Variants in SLC6A17 observed in about 807,000 individuals in gnomAD.
SLC6A17 encodes sodium-dependent neutral amino acid transporter SLC6A17.
SLC6A17 carries 21 observed loss-of-function variants against 64.5 expected under a neutral mutation model. The observed-to-expected ratio is 0.33, with a 90% CI of 0.23 to 0.47. SLC6A17 has a LOEUF of 0.47. Among genes scored for constraint, SLC6A17 ranks in the 20% least tolerant of loss-of-function variants. SLC6A17 has a pLI of 1.00. For missense variants in SLC6A17, 682 were observed against 963.2 expected, an observed-to-expected ratio of 0.71 and a Z score of 3.86; for synonymous variants, 372 against 399.5, an observed-to-expected ratio of 0.93 and a Z score of 0.82.
chr1:110,168,076 A>T (rs961360986), intron 2 of SLC6A17: 2 of 152,240 alleles, frequency 1.3e-5, no homozygotes, highest in African/African-American at 2.4e-5. Flanking sequence ...GCTTTCCCTG[A>T]AACCAGAGAT....
At chr1:110,177,666 G>A (rs1332200624) in intron 6 of SLC6A17, 1 of 152,312 alleles carries the variant, frequency 6.6e-6, no homozygotes, top group African/African-American at 2.4e-5. Flanking sequence ...TGAGACTATA[G>A]CCCATGGGCA....
At chr1:110,156,944 G>A (rs952810322) in intron 1 of SLC6A17, among the ~76,000 whole-genome samples, 4 of 152,162 alleles carry the variant, frequency 2.6e-5, no homozygotes, top group Non-Finnish European at 4.4e-5. Context: ...AGAAAATCCA[G>A]GTCAGATTAT....
intron 6 of SLC6A17, among the ~76,000 whole-genome samples, chr1:110,188,135 C>T (rs1383258632): frequency 6.6e-6 from 1 of 152,162 alleles, no homozygotes; most frequent in African/African-American, 2.4e-5. Context: ...GGGTGCTGCC[C>T]CAGACCCTGC....
intron 6 of SLC6A17, among the ~76,000 whole-genome samples, chr1:110,184,682 A>G (rs921790039): frequency 2.0e-5 from 3 of 152,178 alleles, no homozygotes; most frequent in African/African-American, 7.2e-5. Context: ...CGAGGCTGGG[A>G]GCAAGGGCAG....
Position 110,175,140 on chromosome 1 carries a change from G to A in SLC6A17, c.753+180G>A, listed in dbSNP as rs544874208. On this transcript the variant is annotated intron_variant, in intron 5 of 11. Transcript: ENST00000331565. ...GTTGCTCACCATGGACAGCCTACCC[G>A]GAATGGAATAGCTGGAAAGTCATTG... Among the ~76,000 whole-genome samples the A allele has an allele frequency of 1.1e-4, 16 of 152,288 alleles. No homozygotes were observed. In the South Asian group the frequency reaches 2.1e-3, roughly 20 times the overall value.
intron 1 of SLC6A17, among the ~76,000 whole-genome samples, chr1:110,154,864 C>G (rs1021282052): frequency 6.6e-6 from 1 of 152,206 alleles, no homozygotes; most frequent in Non-Finnish European, 1.5e-5. Flanking sequence ...ACTACTAACA[C>G]TTCAAGGTTA....
chr1:110,163,460 G>T (rs892472144), intron 1 of SLC6A17, among the ~76,000 whole-genome samples: 2 of 152,150 alleles, frequency 1.3e-5, no homozygotes, highest in African/African-American at 2.4e-5. Context: ...TACCATTTGG[G>T]TCCTTTCTGT....
chr1:110,177,777 C>T (rs1438468272), intron 6 of SLC6A17: 1 of 152,266 alleles, frequency 6.6e-6, no homozygotes, highest in Non-Finnish European at 1.5e-5. Context: ...ACAAACAGTT[C>T]ATGCAGGATG....
At position 110,174,953 on chromosome 1, in the gene SLC6A17, C is replaced by G. The variant is rs764608426; in HGVS notation, c.746C>G (p.Ser249Trp). The change falls in exon 5 of 12, where the codon TCG becomes TGG. Residue 249 changes from serine to tryptophan, a missense_variant. Transcript: ENST00000331565. Reference protein sequence around the residue: ...GMAVVKGIQSSGKVMYFSSLF... With the variant: ...GMAVVKGIQSWGKVMYFSSLF... ...GCTGTCGTTAAGGGCATCCAGTCCTCGGGGAAGGTGAGTGCTGAGGGGGGC... is the reference window on the plus strand; with the variant it reads ...GCTGTCGTTAAGGGCATCCAGTCCTGGGGGAAGGTGAGTGCTGAGGGGGGC... 1 of 1,613,284 alleles carries G rather than the reference C, an allele frequency of 6.2e-7. No individual in the cohort carries two copies. Among genetic ancestry groups the G allele is most frequent in the African/African-American group, 1.3e-5 (1 of 74,874 alleles).
chr1:110,196,080 G>A (rs971876115), intron 10 of SLC6A17, among the ~76,000 whole-genome samples: 6 of 152,206 alleles, frequency 3.9e-5, no homozygotes, highest in Admixed American at 2.0e-4. Flanking sequence ...CTCCAAGAAC[G>A]TGTAGACTTC....
At position 110,153,519 on chromosome 1, in the gene SLC6A17, ATGTGTG is replaced by A. The variant is rs3222731; in HGVS notation, c.-88+2663_-88+2668del. On this transcript the variant is annotated intron_variant, in intron 1 of 11. Coordinates refer to ENST00000331565, the MANE Select transcript of SLC6A17 (RefSeq NM_001010898.4). ...AGGGGACTCCAATCTGCTACTGGAA[ATGTGTG>A]TGTGTGTGTGTGTGTGTGTGTGTGT... Among the ~76,000 whole-genome samples, 13 of 137,226 alleles carry A rather than the reference ATGTGTG, an allele frequency of 9.5e-5. 1 individual carries two copies. The highest frequency in any genetic ancestry group is 3.2e-4 in the African/African-American group (12 of 37,138). 90.0% of individuals were successfully genotyped at this position (137,226 alleles called of 152,430 possible).
chr1:110,152,899 A>G (rs1363873916), intron 1 of SLC6A17, among the ~76,000 whole-genome samples: 1 of 152,156 alleles, frequency 6.6e-6, no homozygotes. Flanking sequence ...CTTCTGCTCC[A>G]TCATGAAAGG....
rs1656847687 is a variant in SLC6A17 at position 110,192,292 on chromosome 1, GT to G, written c.1106+80del. 6.4e-7 allele frequency: 1 copy of G among 1,551,592 alleles called. No homozygotes were observed. Among genetic ancestry groups the G allele is most frequent in the East Asian group, 2.3e-5 (1 of 44,338 alleles). ...AGTGGGCAGGGGTGGGGGCGCAGGT[GT>G]GCATGGGGAGAGAGGTCCCCTCCAC... is the stretch of plus-strand genomic sequence containing the variant. On this transcript the variant is annotated intron_variant, in intron 7 of 11. Transcript: ENST00000331565. This position sits in a 1 kb window ranked among gnomAD's most constrained non-coding sequence, Gnocchi z 4.3.
In SLC6A17 at chr1:110,199,797, C is replaced by T; in HGVS notation, c.*1353C>T. 1 of 395,588 alleles carries T rather than the reference C, an allele frequency of 2.5e-6. No individual in the cohort carries two copies. The highest frequency in any genetic ancestry group is 4.4e-6 in the Non-Finnish European group (1 of 224,840). The allele number at this position is 395,588 out of a possible 1,614,324, so 24.5% of individuals were successfully genotyped here. Reference sequence around the variant, plus strand: ...TGGAAGAGAACCCATTCTCAGAGTGCAGCCAGGGAGGAACCTGACCCAAGA... The same window carrying T: ...TGGAAGAGAACCCATTCTCAGAGTGTAGCCAGGGAGGAACCTGACCCAAGA... On this transcript the variant is annotated 3_prime_UTR_variant, in exon 12 of 12. Transcript: ENST00000331565.
chr1:110,163,207 G>T (rs897651362), intron 1 of SLC6A17, among the ~76,000 whole-genome samples: 2 of 151,920 alleles, frequency 1.3e-5, no homozygotes, highest in South Asian at 4.2e-4. Flanking sequence ...TGACACTGGG[G>T]TGTGGTGCAT....
At position 110,185,827 on chromosome 1, in the gene SLC6A17, G is replaced by A. The variant is rs536668098; in HGVS notation, c.865-6145G>A. Among the ~76,000 whole-genome samples, 8 of 152,302 alleles carry A rather than the reference G, an allele frequency of 5.3e-5. No individual in the cohort carries two copies. The South Asian group carries it at 1.7e-3, about 32-fold the overall frequency. On this transcript the variant is annotated intron_variant, in intron 6 of 11. Transcript: ENST00000331565. ...ACAATAAGCATTCTGTACTGAAGGT[G>A]CCAGGCTCAATTTACCCCCAGATTA...
intron 6 of SLC6A17, among the ~76,000 whole-genome samples, chr1:110,184,273 G>C (rs1656619239): frequency 6.6e-6 from 1 of 152,096 alleles, no homozygotes; most frequent in African/African-American, 2.4e-5. Flanking sequence ...ACAATGCCCG[G>C]CTAATTTTTT....
intron 6 of SLC6A17, among the ~76,000 whole-genome samples, chr1:110,178,233 G>A (rs541298622): frequency 2.0e-5 from 3 of 152,198 alleles, no homozygotes; most frequent in Admixed American, 6.5e-5. Flanking sequence ...ATATGCTCTG[G>A]TGTTGTTCCT....
At chr1:110,151,120 G>A (rs1286807547) in intron 1 of SLC6A17, among the ~76,000 whole-genome samples, 2 of 152,252 alleles carry the variant, frequency 1.3e-5, no homozygotes, top group Admixed American at 6.5e-5. Context: ...AGCGGCGTAC[G>A]CACGGGTTGG....
Sources: gnomAD v4.1 joint callset for allele counts (sites outside exome capture counted in the v4.1 genomes callset) on GRCh38, gnomAD v4.1.1 for gene constraint, Gnocchi (gnomAD v3.1) non-coding constraint, MANE v1.5 for transcripts, NCBI Gene and HGNC (gene_info 2026-07-23, HGNC 2026-07-21) for gene names.